FAF1: variants seen among roughly 807,000 people sequenced by gnomAD.
FAF1 encodes Fas associated factor 1.
FAF1 carries 25 observed loss-of-function variants against 92.5 expected under a neutral mutation model. The ratio of observed to expected loss-of-function variants is 0.27; its 90% CI spans 0.20 to 0.38. The LOEUF (loss-of-function observed/expected upper bound fraction) is 0.38. Ranked by LOEUF, FAF1 falls within the 10% of genes least tolerant of loss-of-function variation. The pLI is 1.00. For missense variants in FAF1, 636 were observed against 793.3 expected, an observed-to-expected ratio of 0.80 and a Z score of 2.38; for synonymous variants, 234 against 273.2, an observed-to-expected ratio of 0.86 and a Z score of 1.42.
chr1:50,633,171 CAGCAGGGTTCACA>C (rs1293814502), intron 8 of FAF1, among the ~76,000 whole-genome samples: 3 of 152,168 alleles, frequency 2.0e-5, no homozygotes, highest in Non-Finnish European at 2.9e-5. Flanking sequence ...ATGGAACAGC[CAGCAGGGTTCACA>C]AGCAATTTAG....
intron 18 of FAF1, among the ~76,000 whole-genome samples, chr1:50,445,096 A>G (rs1435340862): frequency 6.6e-6 from 1 of 152,094 alleles, no homozygotes; most frequent in African/African-American, 2.4e-5. Flanking sequence ...TTTTTATTTT[A>G]TTTCAATAGT....
At chr1:50,456,503 C>G (rs189737109) in intron 18 of FAF1, among the ~76,000 whole-genome samples, 1 of 152,100 alleles carries the variant, frequency 6.6e-6, no homozygotes, top group Middle Eastern at 3.2e-3. Context: ...CTCTCACTTG[C>G]CTGTCCTCAA....
chr1:50,592,568 C>T (rs563961060), intron 9 of FAF1, among the ~76,000 whole-genome samples: 1 of 152,322 alleles, frequency 6.6e-6, no homozygotes, highest in South Asian at 2.1e-4. Context: ...AATATAACTA[C>T]AATCCATAAA....
intron 3 of FAF1, among the ~76,000 whole-genome samples, chr1:50,800,591 G>T (rs888260947): frequency 6.6e-6 from 1 of 152,098 alleles, no homozygotes; most frequent in Admixed American, 6.6e-5. Context: ...AGGAACGGGG[G>T]TATAGGTCTA....
chr1:50,920,848 G>A (rs1644956740), intron 1 of FAF1, among the ~76,000 whole-genome samples: 1 of 152,028 alleles, frequency 6.6e-6, no homozygotes, highest in Admixed American at 6.6e-5. Flanking sequence ...CTAAGATTAG[G>A]AAAAAGGTAA....
intron 12 of FAF1, among the ~76,000 whole-genome samples, chr1:50,573,363 T>A (rs1011847089): frequency 1.3e-5 from 2 of 152,184 alleles, no homozygotes; most frequent in Non-Finnish European, 2.9e-5. Flanking sequence ...CCTCCCAAAG[T>A]GCTGAGATTA....
intron 7 of FAF1, among the ~76,000 whole-genome samples, chr1:50,658,302 A>T (rs1209874453): frequency 1.3e-5 from 2 of 152,136 alleles, no homozygotes; most frequent in Non-Finnish European, 2.9e-5. Flanking sequence ...TTTTGAAAAA[A>T]AGCAGGACAA....
At chr1:50,776,705 A>C (rs947103445) in intron 4 of FAF1, among the ~76,000 whole-genome samples, 2 of 152,162 alleles carry the variant, frequency 1.3e-5, no homozygotes, top group African/African-American at 4.8e-5. Context: ...AGGTAATTTT[A>C]AGATTTAAAA....
At chr1:50,549,262 T>C (rs2149045348) in intron 13 of FAF1, among the ~76,000 whole-genome samples, 1 of 152,318 alleles carries the variant, frequency 6.6e-6, no homozygotes, top group East Asian at 1.9e-4. Flanking sequence ...AACGTTGTCA[T>C]GTTCCCTAAA....
intron 1 of FAF1, among the ~76,000 whole-genome samples, chr1:50,888,874 T>C (rs1205026735): frequency 3.3e-5 from 5 of 152,188 alleles, no homozygotes; most frequent in African/African-American, 7.2e-5. Flanking sequence ...TGATGCTGGC[T>C]TCATAAAATG....
intron 17 of FAF1, among the ~76,000 whole-genome samples, chr1:50,482,677 T>A (rs1170880571): frequency 6.6e-6 from 1 of 152,218 alleles, no homozygotes; most frequent in African/African-American, 2.4e-5. Flanking sequence ...TACTTGGTAT[T>A]GTCCCTTTTT....
rs552845894 is a variant in FAF1, at chr1:50,959,008, T to C, written c.45+759A>G. On this transcript the variant is annotated intron_variant, in intron 1 of 18. Coordinates refer to ENST00000396153, the MANE Select transcript of FAF1 (RefSeq NM_007051.3). ...CTACTTTCAAAGGGCCTTCCTAAGA[T>C]ACTTACATGTCAGTGGCACTACGAC... is the stretch of plus-strand genomic sequence containing the variant. Among the ~76,000 whole-genome samples, 3 of 152,352 alleles carry C rather than the reference T, an allele frequency of 2.0e-5. No homozygotes were observed. In the South Asian group the frequency reaches 6.2e-4, roughly 32 times the overall value.
At chr1:50,949,533 C>T (rs1645197572) in intron 1 of FAF1, among the ~76,000 whole-genome samples, 1 of 152,220 alleles carries the variant, frequency 6.6e-6, no homozygotes, top group Admixed American at 6.5e-5. Flanking sequence ...GATCAAGGAT[C>T]AGCAAACTCT....
chr1:50,614,046 G>A (rs868455020), intron 8 of FAF1, among the ~76,000 whole-genome samples: 14 of 151,944 alleles, frequency 9.2e-5, no homozygotes, highest in African/African-American at 3.1e-4. Context: ...GCAGTGAGTC[G>A]GGATTGTGCC....
chr1:50,891,828 C>G (rs923514466), intron 1 of FAF1, among the ~76,000 whole-genome samples: 1 of 152,222 alleles, frequency 6.6e-6, no homozygotes, highest in Admixed American at 6.5e-5. Context: ...AGGAGGCAGT[C>G]TGTCCGTTCT....
At chr1:50,577,253 G>A (rs113815363) in intron 12 of FAF1, among the ~76,000 whole-genome samples, 38,605 of 152,164 alleles carry the variant, frequency 0.25, 5,240 homozygotes, top group Middle Eastern at 0.44. Context: ...GGCTGGGCGC[G>A]GTAGCTCATG....
intron 8 of FAF1, among the ~76,000 whole-genome samples, chr1:50,653,069 C>T (rs563958020): frequency 3.5e-4 from 53 of 152,026 alleles, no homozygotes; most frequent in Non-Finnish European, 7.1e-4. Context: ...TTCATGCCTC[C>T]TCAGGTAAAC....
chr1:50,457,499 C>T (rs1056035983), intron 18 of FAF1, among the ~76,000 whole-genome samples: 4 of 152,022 alleles, frequency 2.6e-5, no homozygotes, highest in Admixed American at 6.6e-5. Flanking sequence ...AGCGTGTCTG[C>T]GAAAGCAACT....
rs759640455 is a variant in FAF1, at chr1:50,439,473, T to C, written c.*1967A>G. 6.6e-6 allele frequency: 1 copy of C among 152,166 alleles called. No individual in the cohort carries two copies. The highest frequency in any genetic ancestry group is 6.5e-5 in the Admixed American group (1 of 15,276). 9.4% of individuals were successfully genotyped at this position (152,166 alleles called of 1,614,324 possible). A position where few individuals can be genotyped will look rare whatever the true frequency, so the allele number is the denominator to read the frequency against. On this transcript the variant is annotated 3_prime_UTR_variant, in exon 19 of 19. Transcript: ENST00000396153. ...GTAGCATTTAATAACTTCCATGAAA[T>C]TGGCTTTAGAGTAAAGTCTATATTG...
Sources: gnomAD v4.1 joint callset for allele counts (sites outside exome capture counted in the v4.1 genomes callset) on GRCh38, gnomAD v4.1.1 for gene constraint, MANE v1.5 for transcripts, NCBI Gene and HGNC (gene_info 2026-07-23, HGNC 2026-07-21) for gene names.